Variants in FAM13A observed in about 807,000 individuals in gnomAD.
The protein encoded by FAM13A is protein FAM13A.
In FAM13A, 76 loss-of-function variants were observed where a neutral mutation model predicts 129.6. The observed-to-expected ratio is 0.59, with a 90% confidence interval of 0.49 to 0.71. The LOEUF (loss-of-function observed/expected upper bound fraction) is 0.71. FAM13A is among the 30% of genes least tolerant of loss of function. The probability of loss-of-function intolerance (pLI) is 0.00; values close to 1 mark genes in which losing one functional copy is unlikely to be tolerated. For synonymous variants in FAM13A, 443 were observed against 449.9 expected, an observed-to-expected ratio of 0.98 and a Z score of 0.20; for missense variants, 1,108 against 1,249.3, an observed-to-expected ratio of 0.89 and a Z score of 1.70.
At chr4:88,872,753 T>A (rs1049956376) in intron 6 of FAM13A, among the ~76,000 whole-genome samples, 2 of 152,024 alleles carry the variant, frequency 1.3e-5, no homozygotes, top group Admixed American at 6.6e-5. Context: ...AAAAAGGATA[T>A]CCAGGACTTG....
At chr4:88,878,826 A>G (rs1314287525) in intron 6 of FAM13A, among the ~76,000 whole-genome samples, 1 of 152,228 alleles carries the variant, frequency 6.6e-6, no homozygotes, top group Non-Finnish European at 1.5e-5. Flanking sequence ...AACATCTGTT[A>G]TCACAATGAG....
intron 4 of FAM13A, among the ~76,000 whole-genome samples, chr4:88,985,917 AG>A (rs1236291643): frequency 1.3e-5 from 2 of 151,686 alleles, no homozygotes; most frequent in African/African-American, 2.4e-5. Flanking sequence ...GAACAGTGTA[AG>A]GAACACATAG....
At position 88,980,176 on chromosome 4, in the gene FAM13A, T is replaced by TTA. The variant is rs551793484; in HGVS notation, c.605+10795_605+10796dup. On this transcript the variant is annotated intron_variant, in intron 4 of 23. Coordinates refer to ENST00000264344, the MANE Select transcript of FAM13A (RefSeq NM_014883.4). ...GTAGTATTACTTTATTATCCCATCT[T>TTA]TAGTCATGTGAGCATGCAGAGAAAA... Among the ~76,000 whole-genome samples, 7 of 152,296 alleles carry TTA rather than the reference T, an allele frequency of 4.6e-5. No individual in the cohort carries two copies. The East Asian group carries it at 1.2e-3, about 25-fold the overall frequency.
intron 4 of FAM13A, among the ~76,000 whole-genome samples, chr4:88,942,436 G>A (rs747560186): frequency 2.0e-5 from 3 of 151,858 alleles, no homozygotes; most frequent in Non-Finnish European, 4.4e-5. Flanking sequence ...GTGTGGTGGT[G>A]CAGGCCTGTC....
At chr4:88,857,883 A>G (rs1427139597) in intron 6 of FAM13A, among the ~76,000 whole-genome samples, 1 of 152,202 alleles carries the variant, frequency 6.6e-6, no homozygotes, top group African/African-American at 2.4e-5. Context: ...ATGTCTGTAT[A>G]ATGACTAAGA....
chr4:88,933,972 T>C (rs2148794763), intron 5 of FAM13A, among the ~76,000 whole-genome samples: 1 of 152,210 alleles, frequency 6.6e-6, no homozygotes, highest in South Asian at 2.1e-4. Flanking sequence ...TCGTTTCAAT[T>C]CCATCTTGCT....
chr4:88,873,506 T>C (rs1741798427), intron 6 of FAM13A, among the ~76,000 whole-genome samples: 1 of 152,142 alleles, frequency 6.6e-6, no homozygotes, highest in African/African-American at 2.4e-5. Context: ...GAGAATACTA[T>C]AAATACCTCT....
chr4:88,896,037 T>C (rs1326580839), intron 6 of FAM13A, among the ~76,000 whole-genome samples: 4 of 147,428 alleles, frequency 2.7e-5, no homozygotes, highest in African/African-American at 7.5e-5. Flanking sequence ...CCAACAATGA[T>C]AGACTGGATT....
In FAM13A at chr4:89,046,307, A is replaced by C. The variant is rs1770851721; in HGVS notation, c.27+10631T>G. 2.0e-5 allele frequency among the ~76,000 whole-genome samples: 3 copies of C among 152,302 alleles called. 1 individual carries two copies. The highest frequency in any genetic ancestry group is 2.0e-4 in the Admixed American group (3 of 15,302). On this transcript the variant is annotated intron_variant, in intron 1 of 23. Transcript: ENST00000264344. ...AAAAACCTGGAACAGTTATACTCAA[A>C]AGAGAAGATTTGAGGTTGGAACATA...
intron 7 of FAM13A, among the ~76,000 whole-genome samples, chr4:88,847,256 G>A (rs556055005): frequency 1.1e-4 from 17 of 152,224 alleles, no homozygotes; most frequent in African/African-American, 3.4e-4. Context: ...GGTGGTTCAT[G>A]CCTGTAATCC....
Position 88,793,444 on chromosome 4 carries a change from A to T in FAM13A, c.1050-2817T>A, listed in dbSNP as rs191627871. 5.3e-5 allele frequency among the ~76,000 whole-genome samples: 8 copies of T among 152,170 alleles called. No homozygotes were observed. In the East Asian group the frequency reaches 1.5e-3, roughly 29 times the overall value. On this transcript the variant is annotated intron_variant, in intron 8 of 23. Coordinates refer to ENST00000264344, the MANE Select transcript of FAM13A (RefSeq NM_014883.4). ...TAGGACAGTTTTAGAATAAAGTGTG[A>T]TGTTTTTAATAGTCCTTTGGAATTT...
In FAM13A at chr4:88,739,604, G is replaced by A. The variant is rs1266877911; in HGVS notation, c.2467-479C>T. Among the ~76,000 whole-genome samples, 9 of 141,128 alleles carry A rather than the reference G, an allele frequency of 6.4e-5. No individual in the cohort carries two copies. In the East Asian group the frequency reaches 8.5e-4, roughly 13 times the overall value. The allele number at this position is 141,128 out of a possible 152,430, so 92.6% of individuals were successfully genotyped here. On this transcript the variant is annotated intron_variant, in intron 19 of 23. Transcript: ENST00000264344. ...AGCCTGGCCAACATGGTGAAACCCC[G>A]TCTCTACTAAAAAATACAAAAAAAA...
rs140293481 is a variant in FAM13A at position 88,931,815 on chromosome 4, T to A, written c.759+6273A>T. On this transcript the variant is annotated intron_variant, in intron 5 of 23. Transcript: ENST00000264344. ...ATTCTAAATAAGTGCCACCTCTGAG[T>A]TTCATAAATGCTCAAAATGATAACA... is the stretch of plus-strand genomic sequence containing the variant. Among the ~76,000 whole-genome samples, 16 of 152,322 alleles carry A rather than the reference T, an allele frequency of 1.1e-4. No individual in the cohort carries two copies. The East Asian group carries it at 3.1e-3, about 29-fold the overall frequency.
At chr4:88,920,914 CA>C (rs1387220556) in intron 5 of FAM13A, among the ~76,000 whole-genome samples, 2 of 152,048 alleles carry the variant, frequency 1.3e-5, no homozygotes, top group African/African-American at 4.8e-5. Flanking sequence ...GTAGAAGCCT[CA>C]GGAGCCGATG....
intron 3 of FAM13A, among the ~76,000 whole-genome samples, chr4:89,004,184 G>A (rs1171111819): frequency 6.6e-6 from 1 of 152,170 alleles, no homozygotes; most frequent in Non-Finnish European, 1.5e-5. Flanking sequence ...TGTTGCCCAG[G>A]CTGGAGTGCA....
At chr4:89,010,665 T>C (rs1373088321) in intron 3 of FAM13A, among the ~76,000 whole-genome samples, 2 of 152,132 alleles carry the variant, frequency 1.3e-5, no homozygotes, top group Non-Finnish European at 2.9e-5. Flanking sequence ...ACAACTCACC[T>C]CACAAATTTC....
At chr4:88,877,594 C>T (rs546963426) in intron 6 of FAM13A, among the ~76,000 whole-genome samples, 185 of 152,262 alleles carry the variant, frequency 1.2e-3, no homozygotes, top group African/African-American at 4.3e-3. Flanking sequence ...CATCAAAATG[C>T]TAAGAGTAAT....
intron 4 of FAM13A, among the ~76,000 whole-genome samples, chr4:88,944,409 T>C (rs1459899338): frequency 6.6e-6 from 1 of 152,156 alleles, no homozygotes; most frequent in Non-Finnish European, 1.5e-5. Flanking sequence ...GAAACATTGG[T>C]TCTATTACCA....
At chr4:88,764,204 T>C (rs915327749) in intron 13 of FAM13A, among the ~76,000 whole-genome samples, 1 of 151,952 alleles carries the variant, frequency 6.6e-6, no homozygotes, top group Non-Finnish European at 1.5e-5. Flanking sequence ...TCTTTTTTTT[T>C]AAAATTATGA....
Sources: allele counts gnomAD v4.1 joint callset (sites outside exome capture counted in the v4.1 genomes callset), GRCh38; gene constraint gnomAD v4.1.1; transcripts MANE v1.5; gene names NCBI Gene and HGNC (gene_info 2026-07-23, HGNC 2026-07-21).